HYDIN: variants seen among roughly 807,000 people sequenced by gnomAD.
HYDIN encodes HYDIN axonemal central pair apparatus protein.
In HYDIN, 132 loss-of-function variants were observed where a neutral mutation model predicts 403.9. The ratio of observed to expected loss-of-function variants is 0.33; its 90% CI spans 0.28 to 0.38. The LOEUF (loss-of-function observed/expected upper bound fraction) is 0.38. Among genes scored for constraint, HYDIN ranks in the 10% least tolerant of loss-of-function variants. HYDIN has a pLI of 1.00. For synonymous variants in HYDIN, 1,202 were observed against 1,891.7 expected (o/e 0.64, Z 9.46); for missense variants, 2,827 against 5,009.5 (o/e 0.56, Z 13.15).
At position 70,841,032 on chromosome 16, in the gene HYDIN, C is replaced by G. The variant is rs539707196; in HGVS notation, c.12874-799G>C. Among the ~76,000 whole-genome samples, 107 of 151,980 alleles carry G rather than the reference C, an allele frequency of 7.0e-4. 1 individual carries two copies. Among genetic ancestry groups the G allele is most frequent in the African/African-American group, 2.5e-3 (103 of 41,434 alleles). ...TTAGAATAAACATTATTAGAATAAACAGTAGAATAAACATTCATTTTAAAC... is the reference window on the plus strand; with the variant it reads ...TTAGAATAAACATTATTAGAATAAAGAGTAGAATAAACATTCATTTTAAAC... On this transcript the variant is annotated intron_variant, in intron 75 of 85. Coordinates refer to ENST00000393567, the MANE Select transcript of HYDIN (RefSeq NM_001270974.2).
chr16:71,176,089 A>T (rs901886886), intron 4 of HYDIN, among the ~76,000 whole-genome samples: 1 of 141,108 alleles, frequency 7.1e-6, no homozygotes, highest in Non-Finnish European at 1.5e-5. Flanking sequence ...GAGGATCACG[A>T]GGTCAGGAGA....
intron 23 of HYDIN, among the ~76,000 whole-genome samples, chr16:71,007,192 T>G (rs1310182310): frequency 6.6e-6 from 1 of 152,044 alleles, no homozygotes; most frequent in Non-Finnish European, 1.5e-5. Context: ...TAAATCAGCT[T>G]ACTGAGAATA....
chr16:71,042,355 G>T (rs2081311705), intron 18 of HYDIN, among the ~76,000 whole-genome samples: 1 of 151,618 alleles, frequency 6.6e-6, no homozygotes, highest in African/African-American at 2.4e-5. Context: ...CCTCTATATT[G>T]CTAAGTACTC....
chr16:70,854,239 TTTA>T (rs1351526873), intron 73 of HYDIN, among the ~76,000 whole-genome samples: 1 of 151,512 alleles, frequency 6.6e-6, no homozygotes, highest in Non-Finnish European at 1.5e-5. Flanking sequence ...ATTTTTAAAT[TTTA>T]TTATTAGTTT....
intron 1 of HYDIN, among the ~76,000 whole-genome samples, chr16:71,221,976 T>G (rs2040827368): frequency 6.6e-6 from 1 of 152,242 alleles, no homozygotes; most frequent in Admixed American, 6.5e-5. Context: ...AGCAATGAGC[T>G]GTAACTAATC....
chr16:71,204,454 A>C (rs1480448573), intron 1 of HYDIN, among the ~76,000 whole-genome samples: 2 of 152,232 alleles, frequency 1.3e-5, no homozygotes, highest in Non-Finnish European at 2.9e-5. Context: ...GTGAACAGCA[A>C]GCTAGTTTGA....
chr16:71,200,545 G>T (rs889636544), intron 1 of HYDIN, among the ~76,000 whole-genome samples: 4 of 152,174 alleles, frequency 2.6e-5, no homozygotes, highest in Non-Finnish European at 5.9e-5. Context: ...ATCAGGCTGA[G>T]ATACAATTCC....
At chr16:70,926,369 C>A (rs1325819530) in intron 45 of HYDIN, among the ~76,000 whole-genome samples, 1 of 151,724 alleles carries the variant, frequency 6.6e-6, no homozygotes, top group African/African-American at 2.4e-5. Flanking sequence ...GGACAAAAAA[C>A]CAAACACCGC....
At chr16:70,993,817 C>A (rs2079436921) in intron 23 of HYDIN, among the ~76,000 whole-genome samples, 1 of 150,900 alleles carries the variant, frequency 6.6e-6, no homozygotes, top group African/African-American at 2.4e-5. Flanking sequence ...TCTCGTTGGT[C>A]TGCATTCTCA....
intron 18 of HYDIN, among the ~76,000 whole-genome samples, chr16:71,039,998 G>T (rs2081231306): frequency 6.6e-6 from 1 of 152,056 alleles, no homozygotes; most frequent in Non-Finnish European, 1.5e-5. Flanking sequence ...TTCAGGGATT[G>T]CAGGCACCGC....
intron 41 of HYDIN, among the ~76,000 whole-genome samples, chr16:70,945,088 C>T (rs756199674): frequency 6.6e-6 from 1 of 152,224 alleles, no homozygotes; most frequent in Non-Finnish European, 1.5e-5. Flanking sequence ...CTACTCGTCA[C>T]ATGAGGTGAC....
intron 47 of HYDIN, among the ~76,000 whole-genome samples, chr16:70,914,389 T>A (rs2076779855): frequency 6.6e-6 from 1 of 152,062 alleles, no homozygotes; most frequent in Non-Finnish European, 1.5e-5. Flanking sequence ...CTTTCCTTCA[T>A]ATACGATGCT....
In HYDIN at chr16:70,807,546, A is replaced by G; in HGVS notation, c.*34T>C. On this transcript the variant is annotated 3_prime_UTR_variant, in exon 86 of 86. Coordinates refer to ENST00000393567, the MANE Select transcript of HYDIN (RefSeq NM_001270974.2). ...TCTTTTTCAGGCTAAGACAATGCAT[A>G]GCTTTTGGTTGATACAGGTAACCCT... 1.3e-6 allele frequency: 2 copies of G among 1,558,148 alleles called. No individual in the cohort carries two copies. The highest frequency in any genetic ancestry group is 1.7e-6 in the Non-Finnish European group (2 of 1,153,520).
chr16:70,940,839 C>T (rs1374093200), intron 43 of HYDIN, among the ~76,000 whole-genome samples: 1 of 152,242 alleles, frequency 6.6e-6, no homozygotes. Context: ...GAGCGGTAAG[C>T]CGGAGTGAGG....
intron 42 of HYDIN, among the ~76,000 whole-genome samples, chr16:70,942,790 C>T (rs1414345842): frequency 6.6e-6 from 1 of 152,234 alleles, no homozygotes; most frequent in East Asian, 1.9e-4. Flanking sequence ...ATGAAAGAAG[C>T]CCTGTAAGCT....
In HYDIN at chr16:71,045,312, T is replaced by TA. The variant is rs1486053015; in HGVS notation, c.2530-13396dup. 3.9e-5 allele frequency among the ~76,000 whole-genome samples: 6 copies of TA among 152,298 alleles called. No individual in the cohort carries two copies. The South Asian group carries it at 1.0e-3, about 26-fold the overall frequency. On this transcript the variant is annotated intron_variant, in intron 18 of 85. Coordinates refer to ENST00000393567, the MANE Select transcript of HYDIN (RefSeq NM_001270974.2). ...TTTGTCCAGCTTTTCTCCTTGTTCT[T>TA]AGAGGGAAATAGTTTGGAATGACAG...
chr16:71,035,825 CTAAGA>C, intron 18 of HYDIN, among the ~76,000 whole-genome samples: 1 of 152,138 alleles, frequency 6.6e-6, no homozygotes, highest in South Asian at 2.1e-4. Flanking sequence ...CTCTTGGTTT[CTAAGA>C]TATCCATATT....
At chr16:71,015,221 A>C (rs1333448918) in intron 23 of HYDIN, among the ~76,000 whole-genome samples, 1 of 151,934 alleles carries the variant, frequency 6.6e-6, no homozygotes, top group African/African-American at 2.4e-5. Context: ...TGAGTAAATG[A>C]ATCAACAAAC....
In HYDIN at chr16:70,808,020, C is replaced by A. The variant is rs1433945596; in HGVS notation, c.14926G>T (p.Ala4976Ser). 6.2e-7 allele frequency: 1 copy of A among 1,613,640 alleles called. No individual in the cohort carries two copies. Among genetic ancestry groups the A allele is most frequent in the South Asian group, 1.1e-5 (1 of 91,044 alleles). ...TCAGTGCCTCCCTGGCCTCCTGGGGCTGCATTAATGAGTTTTTCTGCGTGG... is the reference window on the plus strand; with the variant it reads ...TCAGTGCCTCCCTGGCCTCCTGGGGATGCATTAATGAGTTTTTCTGCGTGG... The part of the protein sequence containing the change: ...DFHAEKLINA[A>S]PGGQGGTEAS... Residue 4976 changes from alanine to serine, a missense_variant, in exon 86 of 86, where the codon GCC becomes TCC. By Grantham distance (99) the Ala-to-Ser change is moderately conservative. Transcript: ENST00000393567.
Sources: gnomAD v4.1 joint callset for allele counts (sites outside exome capture counted in the v4.1 genomes callset) on GRCh38, gnomAD v4.1.1 for gene constraint, MANE v1.5 for transcripts, NCBI Gene and HGNC (gene_info 2026-07-23, HGNC 2026-07-21) for gene names.